Variants in TNN observed in about 807,000 individuals in gnomAD.
The protein encoded by TNN is tenascin-N.
Under a neutral mutation model 134.4 loss-of-function variants are expected in TNN, and 122 were observed. That is an observed-to-expected ratio of 0.91 (90% CI 0.78 to 1.06). TNN has a LOEUF of 1.06. Ranked by LOEUF, TNN falls within the 50% of genes least tolerant of loss-of-function variation. The probability of loss-of-function intolerance (pLI) is 0.00; values close to 1 mark genes in which losing one functional copy is unlikely to be tolerated. For synonymous variants in TNN, 710 were observed against 670.3 expected, an observed-to-expected ratio of 1.06 and a Z score of -0.91; for missense variants, 1,739 against 1,699.4, an observed-to-expected ratio of 1.02 and a Z score of -0.41.
intron 2 of TNN, among the ~76,000 whole-genome samples, chr1:175,078,691 G>A (rs148642782): frequency 6.6e-6 from 1 of 152,300 alleles, no homozygotes; most frequent in Non-Finnish European, 1.5e-5. Context: ...GCAGAAGCTG[G>A]GCCACAGAGG....
intron 9 of TNN, among the ~76,000 whole-genome samples, chr1:175,111,804 C>A (rs1675035572): frequency 6.6e-6 from 1 of 150,790 alleles, no homozygotes; most frequent in African/African-American, 2.4e-5. Flanking sequence ...TAGTTCATTG[C>A]TGGTATATAG....
chr1:175,082,848 C>G (rs566158745), intron 4 of TNN, among the ~76,000 whole-genome samples: 2 of 152,196 alleles, frequency 1.3e-5, no homozygotes, highest in African/African-American at 4.8e-5. Flanking sequence ...GAAGGCCAGG[C>G]TCCCTCAGCC....
At chr1:175,078,274 T>G (rs2149426460) in intron 2 of TNN, among the ~76,000 whole-genome samples, 1 of 152,328 alleles carries the variant, frequency 6.6e-6, no homozygotes, top group Admixed American at 6.5e-5. Flanking sequence ...ACAGGGATGA[T>G]TCTATCAGCT....
intron 15 of TNN, among the ~76,000 whole-genome samples, chr1:175,134,293 C>G (rs1675743647): frequency 6.6e-6 from 1 of 152,136 alleles, no homozygotes; most frequent in Non-Finnish European, 1.5e-5. Flanking sequence ...CAGTGGCTCA[C>G]ACCTGCACTT....
chr1:175,136,753 A>G, intron 16 of TNN, 68 bp from the exon 17 acceptor site: 1 of 1,472,426 alleles, frequency 6.8e-7, no homozygotes, highest in Non-Finnish European at 9.3e-7. Flanking sequence ...AGCCTCAGAC[A>G]CACATGTTGA....
chr1:175,110,014 C>G (rs1483531297), intron 9 of TNN, among the ~76,000 whole-genome samples: 2 of 152,078 alleles, frequency 1.3e-5, no homozygotes, highest in Admixed American at 6.5e-5. Flanking sequence ...CTCACCAGTA[C>G]CTGTTATTGT....
At chr1:175,117,281 C>G (rs1306887718) in intron 10 of TNN, 76 bp downstream of exon 10, 1 of 1,593,206 alleles carries the variant, frequency 6.3e-7, no homozygotes, top group Non-Finnish European at 8.5e-7. Flanking sequence ...TTTTCCTTCT[C>G]TGACATTGGC....
At position 175,098,489 on chromosome 1, in the gene TNN, C is replaced by T; in HGVS notation, c.2013C>T (p.Ser671=). Residue 671 remains serine (S), a synonymous_variant, in exon 9 of 19, where the codon AGC becomes AGT. Transcript: ENST00000239462. ...AGGTTCCGGTGGGGAAGGAGCAGAG[C>T]AGCACAGTCCTGACAGGCCTGAGAC... is the stretch of plus-strand genomic sequence containing the variant. ...TREVPVGKEQ[S]STVLTGLRPG... is the part of the protein sequence containing the mutation. The T allele has an allele frequency of 6.2e-7, 1 of 1,614,120 alleles. No homozygotes were observed. Among genetic ancestry groups the T allele is most frequent in the Non-Finnish European group, 8.5e-7 (1 of 1,180,024 alleles).
chr1:175,079,582 A>T lies in TNN; in HGVS notation c.659A>T (p.His220Leu). 1 of 1,589,792 alleles carries T rather than the reference A, an allele frequency of 6.3e-7. No individual in the cohort carries two copies. The highest frequency in any genetic ancestry group is 8.6e-7 in the Non-Finnish European group (1 of 1,169,566). ...TGCGTGCGCGGCGTGTGCCAGTGCC[A>T]CGAAGACTTCATGTCGGAGGACTGC... The part of the protein sequence containing the change: ...GECVRGVCQC[H>L]EDFMSEDCSE... Residue 220 changes from histidine (H) to leucine (L), a missense_variant, in exon 3 of 19, where the codon CAC becomes CTC. By Grantham distance (99) the His-to-Leu change is moderately conservative. Coordinates refer to ENST00000239462, the MANE Select transcript of TNN (RefSeq NM_022093.2).
intron 9 of TNN, among the ~76,000 whole-genome samples, chr1:175,108,649 T>C (rs920472690): frequency 6.6e-6 from 1 of 152,218 alleles, no homozygotes; most frequent in Non-Finnish European, 1.5e-5. Flanking sequence ...GTAGCGCCGG[T>C]GGGCTGGCAC....
rs1176491016 is a variant in TNN, at chr1:175,079,376, G to A, written c.453G>A (p.Glu151=). 7.5e-6 allele frequency: 12 copies of A among 1,598,218 alleles called. No homozygotes were observed. Among genetic ancestry groups the A allele is most frequent in the Admixed American group, 3.4e-5 (2 of 59,200 alleles). Residue 151 remains glutamate, a synonymous_variant, in exon 3 of 19, where the codon GAG becomes GAA. Transcript: ENST00000239462. ...HCSGHGTFSL[E]TCSCHCEEGR... is the part of the protein sequence containing the mutation. ...GCGGCCACGGGACCTTCTCCCTGGA[G>A]ACCTGCAGCTGCCACTGCGAAGAGG...
intron 7 of TNN, among the ~76,000 whole-genome samples, chr1:175,096,802 G>A (rs1355747507): frequency 6.6e-6 from 1 of 152,044 alleles, no homozygotes; most frequent in Admixed American, 6.6e-5. Context: ...TAAATTACAC[G>A]GCTTGTCCAA....
chr1:175,095,553 G>A (rs914602834), intron 7 of TNN, among the ~76,000 whole-genome samples: 18 of 152,096 alleles, frequency 1.2e-4, no homozygotes, highest in Admixed American at 7.2e-4. Flanking sequence ...AGAGCATTTG[G>A]GTCAGCATTT....
At chr1:175,141,537 G>A (rs1675945542) in intron 17 of TNN, among the ~76,000 whole-genome samples, 1 of 152,158 alleles carries the variant, frequency 6.6e-6, no homozygotes, top group African/African-American at 2.4e-5. Flanking sequence ...AGCTAGAAAT[G>A]GCACAAATCA....
intron 14 of TNN, 96 bp downstream of exon 14, chr1:175,128,260 A>G (rs142451667): frequency 3.4e-6 from 4 of 1,189,468 alleles, no homozygotes; most frequent in Middle Eastern, 2.1e-4. Context: ...TGGATGCAGA[A>G]CTATTGATTT....
At chr1:175,113,897 T>G (rs761670014) in intron 9 of TNN, among the ~76,000 whole-genome samples, 2 of 152,132 alleles carry the variant, frequency 1.3e-5, no homozygotes, top group Non-Finnish European at 2.9e-5. Context: ...TCATTAGCTG[T>G]GTTTCTTTTT....
At chr1:175,127,246 G>C (rs1675553823) in intron 13 of TNN, among the ~76,000 whole-genome samples, 161 bp downstream of exon 13, 1 of 152,182 alleles carries the variant, frequency 6.6e-6, no homozygotes, top group Non-Finnish European at 1.5e-5. Flanking sequence ...TTTATTGTTA[G>C]TCTTCCCCAA....
Position 175,082,161 on chromosome 1 carries a change from A to G in TNN, c.1049-1589A>G, listed in dbSNP as rs955924733. Among the ~76,000 whole-genome samples, 19 of 151,908 alleles carry G rather than the reference A, an allele frequency of 1.3e-4. 1 individual carries two copies. The highest frequency in any genetic ancestry group is 5.2e-4 in the Admixed American group (8 of 15,262). On this transcript the variant is annotated intron_variant, in intron 4 of 18. Transcript: ENST00000239462. ...AGAGTCTGCTTTTCTCTTTTTCCCC[A>G]TTTTGTCTGTGGCTGCCTCTGGTAC...
chr1:175,105,901 A>C lies in TNN; in HGVS notation c.2119+7306A>C, dbSNP rs1354669420. Among the ~76,000 whole-genome samples the C allele has an allele frequency of 2.7e-5, 4 of 145,682 alleles. 1 individual carries two copies. Among genetic ancestry groups the C allele is most frequent in the African/African-American group, 9.9e-5 (4 of 40,476 alleles). The stretch of plus-strand genomic sequence containing the variant: ...CCTGCTGATCAGAATAGTTGCATTC[A>C]CCAATGCAGCAGCAGAAACAACCCC... On this transcript the variant is annotated intron_variant, in intron 9 of 18. Coordinates refer to ENST00000239462, the MANE Select transcript of TNN (RefSeq NM_022093.2).
Sources: allele counts gnomAD v4.1 joint callset (sites outside exome capture counted in the v4.1 genomes callset), GRCh38; gene constraint gnomAD v4.1.1; transcripts MANE v1.5; gene names NCBI Gene and HGNC (gene_info 2026-07-23, HGNC 2026-07-21).